HRNR: variants seen among roughly 807,000 people sequenced by gnomAD.
HRNR encodes filaggrin family member 3.
HRNR carries 7 observed loss-of-function variants against 4.8 expected under a neutral mutation model. The observed-to-expected ratio is 1.47, with a 90% CI of 0.83 to 2.75. HRNR has a LOEUF of 2.75. Ranked by LOEUF, HRNR falls within the 30% of genes most tolerant of loss-of-function variation. The probability of loss-of-function intolerance (pLI) is 0.00; values close to 1 mark genes in which losing one functional copy is unlikely to be tolerated. For missense variants in HRNR, 2,879 were observed against 3,010.4 expected (o/e 0.96, Z 1.02); for synonymous variants, 1,023 against 1,242.7 (o/e 0.82, Z 3.72).
chr1:152,221,459 A>G lies in HRNR; in HGVS notation c.170T>C (p.Ile57Thr). 1.9e-6 allele frequency: 3 copies of G among 1,610,406 alleles called. No individual in the cohort carries two copies. Among genetic ancestry groups the G allele is most frequent in the Non-Finnish European group, 2.5e-6 (3 of 1,177,806 alleles). ...ATGGTCTCGATCCAGACTTTGCAAG[A>G]TGATATCCACAGTATCTGGATCGTT... is the stretch of plus-strand genomic sequence containing the variant. ...NPNDPDTVDI[I>T]LQSLDRDHNK... Residue 57 changes from isoleucine to threonine, a missense_variant, in exon 3 of 3, where the codon ATC becomes ACC. Around this residue, in one of 8 missense-constraint regions of HRNR, gnomAD observed 2,646 missense variants for 1,377.7 expected, o/e 1.92. Coordinates refer to ENST00000368801, the MANE Select transcript of HRNR (RefSeq NM_001009931.3).
chr1:152,220,982 G>T lies in HRNR; in HGVS notation c.647C>A (p.Ser216Tyr), dbSNP rs1648968853. 1.9e-6 allele frequency: 3 copies of T among 1,614,150 alleles called. No homozygotes were observed. The highest frequency in any genetic ancestry group is 2.5e-6 in the Non-Finnish European group (3 of 1,180,020). The stretch of plus-strand genomic sequence containing the variant: ...GCCAGACCCATGTGTGTCATTGCTG[G>T]AAGACTGTCCGGAGCCAGAGCCGTG... ...GQHGSGSGQSSSNDTHGSGSG... is the reference protein window; with the variant it reads ...GQHGSGSGQSYSNDTHGSGSG... The change falls in exon 3 of 3, where the codon TCC (serine) becomes TAC (tyrosine). Residue 216 changes from serine (S) to tyrosine (Y), a missense_variant. Physicochemically the swap from Ser to Tyr is moderately radical, Grantham distance 144 (BLOSUM62 -2). Transcript: ENST00000368801.
chr1:152,221,400 T>A lies in HRNR; in HGVS notation c.229A>T (p.Met77Leu), dbSNP rs201281270. The change falls in exon 3 of 3, where the codon ATG becomes TTG. Residue 77 changes from methionine (M) to leucine (L), a missense_variant. Around this residue, in one of 8 missense-constraint regions of HRNR, gnomAD observed 2,646 missense variants for 1,377.7 expected, o/e 1.92. Coordinates refer to ENST00000368801, the MANE Select transcript of HRNR (RefSeq NM_001009931.3). The part of the protein sequence containing the change: ...KKVDFTEYLL[M>L]IFKLVQARNK... ...CGAGCCTGAACCAGCTTGAATATCATCAGAAGATACTCAGTAAAATCCACT... is the reference window on the plus strand; with the variant it reads ...CGAGCCTGAACCAGCTTGAATATCAACAGAAGATACTCAGTAAAATCCACT... 3 of 1,613,736 alleles carry A rather than the reference T, an allele frequency of 1.9e-6. No homozygotes were observed. The highest frequency in any genetic ancestry group is 1.7e-6 in the Non-Finnish European group (2 of 1,179,922).
chr1:152,213,128 C>A lies in HRNR; in HGVS notation c.8501G>T (p.Ser2834Ile). The A allele has an allele frequency of 6.2e-7, 1 of 1,613,952 alleles. No individual in the cohort carries two copies. Among genetic ancestry groups the A allele is most frequent in the South Asian group, 1.1e-5 (1 of 91,078 alleles). The stretch of plus-strand genomic sequence containing the variant: ...TTGGACATATTCATAGGGTGAAGTG[C>A]TACTAGGAAAACTGAGAAAATATGA... ...SGSYFLSFPS[S>I]TSPYEYVQEQ... Residue 2834 changes from serine (S) to isoleucine (I), a missense_variant, in exon 3 of 3, where the codon AGC becomes ATC. Ser to Ile is a moderately radical substitution (Grantham distance 142). This residue lies in a region of HRNR where 158 missense variants were observed against 107.6 expected (regional missense o/e 1.47). Transcript: ENST00000368801.
At chr1:152,223,418 A>G (rs1238603816) in intron 1 of HRNR, 140 bp from the exon 2 acceptor site, 4 of 590,386 alleles carry the variant, frequency 6.8e-6, no homozygotes, top group Non-Finnish European at 1.1e-5. Context: ...TCAAGAACCA[A>G]TTCAGAGTTG....
chr1:152,218,690 G>T lies in HRNR; in HGVS notation c.2939C>A (p.Ser980Tyr), dbSNP rs111486574. The change falls in exon 3 of 3, where the codon TCT (serine) becomes TAT (tyrosine). Residue 980 changes from serine (S) to tyrosine (Y), a missense_variant. By Grantham distance (144) the Ser-to-Tyr change is moderately radical. Coordinates refer to ENST00000368801, the MANE Select transcript of HRNR (RefSeq NM_001009931.3). ...SEQHGSSSGS[S>Y]SSYGQHGSGS... ...AGACCCATGCTGACCATAGCTGGAA[G>T]ACGAACCTGAGCTAGATCCATGTTG... 945 of 1,614,042 alleles carry T rather than the reference G, an allele frequency of 5.9e-4. 3 individuals carry two copies. The highest frequency in any genetic ancestry group is 5.2e-3 in the African/African-American group (391 of 74,994).
In HRNR at chr1:152,219,361, C is replaced by A. The variant is rs758697738; in HGVS notation, c.2268G>T (p.Gly756=). The A allele has an allele frequency of 6.2e-7, 1 of 1,613,616 alleles. No individual in the cohort carries two copies. Among genetic ancestry groups the A allele is most frequent in the Non-Finnish European group, 8.5e-7 (1 of 1,179,974 alleles). The change falls in exon 3 of 3, where the codon GGG becomes GGT. Residue 756 remains glycine (G), a synonymous_variant. Transcript: ENST00000368801. ...GGCCCGAAGATTGATGGGAGCCCGA[C>A]CCATGCTGACCATAGCTGGAAGACA... ...SGLSSSYGQH[G]SGSHQSSGHG... is the part of the protein sequence containing the mutation.
rs373300118 is a variant in HRNR at position 152,218,634 on chromosome 1, G to T, written c.2995C>A (p.His999Asn). The T allele has an allele frequency of 3.1e-6, 5 of 1,613,286 alleles. No individual in the cohort carries two copies. The South Asian group carries it at 4.4e-5, about 14-fold the overall frequency. The change falls in exon 3 of 3, where the codon CAT (histidine) becomes AAT (asparagine). Residue 999 changes from histidine to asparagine, a missense_variant. Physicochemically the swap from His to Asn is moderately conservative, Grantham distance 68 (BLOSUM62 1). Around this residue, in one of 8 missense-constraint regions of HRNR, gnomAD observed 2,646 missense variants for 1,377.7 expected, o/e 1.92. Transcript: ENST00000368801. The stretch of plus-strand genomic sequence containing the variant: ...GGAGACTGGCCAGATCCAGACCCAT[G>T]TTGGCCGTGGCCCAAAGACTGACGG... ...GSRQSLGHGQHGSGSGQSPSP... is the reference protein window; with the variant it reads ...GSRQSLGHGQNGSGSGQSPSP...
chr1:152,222,835 T>C (rs1444869767), intron 2 of HRNR, among the ~76,000 whole-genome samples: 1 of 152,150 alleles, frequency 6.6e-6, no homozygotes, highest in Non-Finnish European at 1.5e-5. Context: ...TACTTCACAG[T>C]TTTTCTGAGG....
chr1:152,219,176 C>G lies in HRNR; in HGVS notation c.2453G>C (p.Gly818Ala). The part of the protein sequence containing the change: ...ESGSGQASGF[G>A]QHESGSGQGY... ...CTGTCCTGAGCCAGACTCGTGTTGC[C>G]CAAAACCAGAAGCCTGGCCTGAGCC... Residue 818 changes from glycine to alanine, a missense_variant, in exon 3 of 3, where the codon GGG becomes GCG. By Grantham distance (60) the Gly-to-Ala change is moderately conservative. Transcript: ENST00000368801. 3 of 1,613,902 alleles carry G rather than the reference C, an allele frequency of 1.9e-6. No homozygotes were observed. Among genetic ancestry groups the G allele is most frequent in the Non-Finnish European group, 2.5e-6 (3 of 1,179,984 alleles).
rs1215601027 is a variant in HRNR, at chr1:152,213,233, C to T, written c.8396G>A (p.Ser2799Asn). 1 of 1,613,892 alleles carries T rather than the reference C, an allele frequency of 6.2e-7. No individual in the cohort carries two copies. Among genetic ancestry groups the T allele is most frequent in the Non-Finnish European group, 8.5e-7 (1 of 1,179,998 alleles). The change falls in exon 3 of 3, where the codon AGT becomes AAT. Residue 2799 changes from serine (S) to asparagine (N), a missense_variant. By Grantham distance (46) the Ser-to-Asn change is conservative. This residue lies in a region of HRNR where 158 missense variants were observed against 107.6 expected (regional missense o/e 1.47). Transcript: ENST00000368801. Reference sequence around the variant, plus strand: ...TTGCCCTGAGCCACTTCCATGCTGACTATAACCAGAGGACTGTCCTGAGCC... The same window carrying T: ...TTGCCCTGAGCCACTTCCATGCTGATTATAACCAGAGGACTGTCCTGAGCC... ...GSGSGQSSGYSQHGSGSGQDG... is the reference protein window; with the variant it reads ...GSGSGQSSGYNQHGSGSGQDG...
At position 152,219,889 on chromosome 1, in the gene HRNR, G is replaced by C. The variant is rs781114297; in HGVS notation, c.1740C>G (p.His580Gln). ...SRGPYESGSG[H>Q]SSGLGHQESR... ...ACTCTTGGTGACCTAAGCCAGAAGAGTGACCGGAGCCAGACTCATATGGGC... is the reference window on the plus strand; with the variant it reads ...ACTCTTGGTGACCTAAGCCAGAAGACTGACCGGAGCCAGACTCATATGGGC... Residue 580 changes from histidine (H) to glutamine (Q), a missense_variant, in exon 3 of 3, where the codon CAC becomes CAG. Physicochemically the swap from His to Gln is conservative, Grantham distance 24 (BLOSUM62 0). Transcript: ENST00000368801. 1 of 1,613,322 alleles carries C rather than the reference G, an allele frequency of 6.2e-7. No homozygotes were observed. Among genetic ancestry groups the C allele is most frequent in the Non-Finnish European group, 8.5e-7 (1 of 1,179,854 alleles).
chr1:152,220,275 T>C lies in HRNR; in HGVS notation c.1354A>G (p.Ser452Gly). ...HGTGFGRSSSSGPYVSGSGYS... is the reference protein window; with the variant it reads ...HGTGFGRSSSGGPYVSGSGYS... ...CCTGAACCAGACACATATGGGCCAC[T>C]GCTGGAAGATCGACCAAAGCCAGTC... The change falls in exon 3 of 3, where the codon AGT (serine) becomes GGT (glycine). Residue 452 changes from serine (S) to glycine (G), a missense_variant. Transcript: ENST00000368801. The C allele has an allele frequency of 1.2e-6, 2 of 1,613,430 alleles. No homozygotes were observed. Among genetic ancestry groups the C allele is most frequent in the Non-Finnish European group, 1.7e-6 (2 of 1,179,852 alleles).
rs901060020 is a variant in HRNR, at chr1:152,219,578, C to A, written c.2051G>T (p.Trp684Leu). 20 of 1,613,140 alleles carry A rather than the reference C, an allele frequency of 1.2e-5. No homozygotes were observed. Among genetic ancestry groups the A allele is most frequent in the Non-Finnish European group, 1.7e-5 (20 of 1,179,780 alleles). Residue 684 changes from tryptophan to leucine, a missense_variant, in exon 3 of 3, where the codon TGG becomes TTG. Physicochemically the swap from Trp to Leu is moderately conservative, Grantham distance 61. Coordinates refer to ENST00000368801, the MANE Select transcript of HRNR (RefSeq NM_001009931.3). The part of the protein sequence containing the change: ...SYGQHGSGSG[W>L]SSSNGPHGSV... ...CCCATGTGGGCCATTGCTTGAAGACCAACCGGAGCCAGACCCATGTTGGCC... is the reference window on the plus strand; with the variant it reads ...CCCATGTGGGCCATTGCTTGAAGACAAACCGGAGCCAGACCCATGTTGGCC...
chr1:152,221,089 A>G lies in HRNR; in HGVS notation c.540T>C (p.Gly180=). The change falls in exon 3 of 3, where the codon GGT becomes GGC. Residue 180 remains glycine, a synonymous_variant. Transcript: ENST00000368801. ...ACTGATGGGAGTCGGAGTTTTGCTC[A>G]CCATAGCTGGAAGACTGACCTGAGT... ...NSYSGQSSSY[G]EQNSDSHQSS... The G allele has an allele frequency of 6.2e-7, 1 of 1,613,522 alleles. No individual in the cohort carries two copies. Among genetic ancestry groups the G allele is most frequent in the Non-Finnish European group, 8.5e-7 (1 of 1,179,576 alleles).
In HRNR at chr1:152,220,259, G is replaced by A. The variant is rs1648912787; in HGVS notation, c.1370C>T (p.Ser457Phe). The A allele has an allele frequency of 6.2e-7, 1 of 1,614,026 alleles. No homozygotes were observed. Among genetic ancestry groups the A allele is most frequent in the African/African-American group, 1.3e-5 (1 of 74,978 alleles). Residue 457 changes from serine to phenylalanine, a missense_variant, in exon 3 of 3, where the codon TCT becomes TTT. Around this residue, in one of 8 missense-constraint regions of HRNR, gnomAD observed 2,646 missense variants for 1,377.7 expected, o/e 1.92. Transcript: ENST00000368801. ...AAAGCCAGAAGAGTAGCCTGAACCA[G>A]ACACATATGGGCCACTGCTGGAAGA... ...GRSSSSGPYV[S>F]GSGYSSGFGH...
rs138118811 is a variant in HRNR, at chr1:152,220,392, G to A, written c.1237C>T (p.Arg413Cys). 391 of 1,613,988 alleles carry A rather than the reference G, an allele frequency of 2.4e-4. No individual in the cohort carries two copies. The highest frequency in any genetic ancestry group is 2.0e-3 in the South Asian group (178 of 91,080). The change falls in exon 3 of 3, where the codon CGC (arginine) becomes TGC (cysteine). Residue 413 changes from arginine (R) to cysteine (C), a missense_variant. Around this residue, in one of 8 missense-constraint regions of HRNR, gnomAD observed 2,646 missense variants for 1,377.7 expected, o/e 1.92. Coordinates refer to ENST00000368801, the MANE Select transcript of HRNR (RefSeq NM_001009931.3). ...CCAGATCCAGAGCTGTGTTGGCCGC[G>A]GCCTGAAGAGTGACGGGAGGCAGAC... The part of the protein sequence containing the change: ...HESASRHSSG[R>C]GQHSSGSGQS...
chr1:152,219,327 G>T lies in HRNR; in HGVS notation c.2302C>A (p.Gln768Lys). Residue 768 changes from glutamine (Q) to lysine (K), a missense_variant, in exon 3 of 3, where the codon CAA becomes AAA. By Grantham distance (53) the Gln-to-Lys change is moderately conservative. Transcript: ENST00000368801. ...GSHQSSGHGR[Q>K]GSGSGHSPSR... ...GGAGAGTGGCCAGATCCAGACCCTT[G>T]TCGGCCGTGGCCCGAAGATTGATGG... 1 of 1,613,612 alleles carries T rather than the reference G, an allele frequency of 6.2e-7. No homozygotes were observed. The highest frequency in any genetic ancestry group is 8.5e-7 in the Non-Finnish European group (1 of 1,179,950).
At position 152,220,077 on chromosome 1, in the gene HRNR, C is replaced by T. The variant is rs1447998033; in HGVS notation, c.1552G>A (p.Gly518Ser). 1 of 1,613,762 alleles carries T rather than the reference C, an allele frequency of 6.2e-7. No individual in the cohort carries two copies. The highest frequency in any genetic ancestry group is 8.5e-7 in the Non-Finnish European group (1 of 1,179,816). Residue 518 changes from glycine to serine, a missense_variant, in exon 3 of 3, where the codon GGT (glycine) becomes AGT (serine). Gly to Ser is a moderately conservative substitution (Grantham distance 56, BLOSUM62 0). Transcript: ENST00000368801. ...GSSAGSSSSY[G>S]QHGSGSRQSL... is the part of the protein sequence containing the mutation. ...TGACGGGAGCCAGACCCATGCTGAC[C>T]ATAGCTGGAAGATGAACCTGCACTA...
rs141889832 is a variant in HRNR at position 152,218,472 on chromosome 1, G to A, written c.3157C>T (p.Arg1053Ter). 609 of 1,613,766 alleles carry A rather than the reference G, an allele frequency of 3.8e-4. 2 individuals are homozygous for A. In the Middle Eastern group the frequency reaches 4.1e-3, roughly 11 times the overall value. Reference sequence around the variant, plus strand: ...GAGGACTGTCCTGAGCGAGACTCTCGGTGACCTAAGCCAGAAGAGTGACCG... The same window carrying A: ...GAGGACTGTCCTGAGCGAGACTCTCAGTGACCTAAGCCAGAAGAGTGACCG... ...GSGHSSGLGH[R>*]ESRSGQSSGY... The change falls in exon 3 of 3, where the codon CGA becomes TGA. Residue 1053 changes from arginine to a stop codon, truncating the protein, a stop_gained. Coordinates refer to ENST00000368801, the MANE Select transcript of HRNR (RefSeq NM_001009931.3). LOFTEE classifies it low-confidence loss of function (END_TRUNC).
Sources: gnomAD v4.1 joint callset for allele counts (sites outside exome capture counted in the v4.1 genomes callset) on GRCh38, gnomAD v4.1.1 for gene constraint, gnomAD v4.1.1 regional missense constraint, MANE v1.5 for transcripts, NCBI Gene and HGNC (gene_info 2026-07-23, HGNC 2026-07-21) for gene names.